The following PDE4D variants were observed in gnomAD, a reference collection of about 807,000 sequenced individuals.
PDE4D encodes the protein 3',5'-cyclic-AMP phosphodiesterase 4D.
PDE4D carries 24 observed loss-of-function variants against 87.4 expected under a neutral mutation model. That is an observed-to-expected ratio of 0.27 (90% confidence interval 0.20 to 0.39). PDE4D has a LOEUF of 0.39. Among genes scored for constraint, PDE4D ranks in the 10% least tolerant of loss-of-function variants. The pLI is 1.00. For synonymous variants in PDE4D, 384 were observed against 383.2 expected, an observed-to-expected ratio of 1.00 and a Z score of -0.02; for missense variants, 714 against 1,041.0, an observed-to-expected ratio of 0.69 and a Z score of 4.32.
chr5:59,044,828 TTTTC>T (rs1458467224), intron 5 of PDE4D, among the ~76,000 whole-genome samples: 1 of 152,226 alleles, frequency 6.6e-6, no homozygotes, highest in Non-Finnish European at 1.5e-5. Flanking sequence ...TTTGTGACGG[TTTTC>T]TTTTTCTTTT....
intron 5 of PDE4D, among the ~76,000 whole-genome samples, chr5:59,168,346 C>A (rs1457905267): frequency 1.3e-5 from 2 of 152,170 alleles, no homozygotes; most frequent in East Asian, 3.9e-4. Flanking sequence ...TGAAGCACTG[C>A]GTTACCCTGG....
chr5:60,246,969 A>G (rs1175874383), intron 1 of PDE4D, among the ~76,000 whole-genome samples: 2 of 152,044 alleles, frequency 1.3e-5, no homozygotes, highest in East Asian at 1.9e-4. Flanking sequence ...TGATTTTTCC[A>G]TACTACACAA....
chr5:59,694,054 C>T (rs1242167968), intron 1 of PDE4D, among the ~76,000 whole-genome samples: 1 of 152,156 alleles, frequency 6.6e-6, no homozygotes, highest in Non-Finnish European at 1.5e-5. Context: ...CATATTTATT[C>T]ACTAGATTAA....
intron 1 of PDE4D, among the ~76,000 whole-genome samples, chr5:59,555,191 C>T (rs1818694162): frequency 6.6e-6 from 1 of 152,152 alleles, no homozygotes; most frequent in Admixed American, 6.5e-5. Context: ...GCAATCATGT[C>T]CTCTGCAAAA....
At chr5:60,078,200 T>G (rs1334190110) in intron 2 of PDE4D, among the ~76,000 whole-genome samples, 2 of 152,164 alleles carry the variant, frequency 1.3e-5, no homozygotes, top group African/African-American at 2.4e-5. Context: ...CCTTGAAAGT[T>G]TGTGTGTTTT....
At chr5:59,311,619 C>G (rs2153566313) in intron 1 of PDE4D, among the ~76,000 whole-genome samples, 1 of 151,646 alleles carries the variant, frequency 6.6e-6, no homozygotes, top group South Asian at 2.1e-4. Context: ...TGTCTCCATA[C>G]TCTGGGACTG....
chr5:59,275,646 G>C, intron 1 of PDE4D: 1 of 1,214,792 alleles, frequency 8.2e-7, no homozygotes, highest in Non-Finnish European at 1.0e-6. Context: ...GGAAGTGACA[G>C]TTTCTTCTGT....
chr5:59,020,044 T>C (rs370534343), intron 6 of PDE4D, among the ~76,000 whole-genome samples: 1 of 152,178 alleles, frequency 6.6e-6, no homozygotes, highest in Non-Finnish European at 1.5e-5. Flanking sequence ...TTGTGGTTGT[T>C]TGCAGCCAAA....
chr5:60,187,267 C>T (rs973421974), intron 1 of PDE4D, among the ~76,000 whole-genome samples: 1 of 152,156 alleles, frequency 6.6e-6, no homozygotes, highest in African/African-American at 2.4e-5. Context: ...TCAGCTAGTA[C>T]ACCTCCAGGA....
At chr5:59,351,678 C>CT (rs1387463142) in intron 1 of PDE4D, among the ~76,000 whole-genome samples, 2 of 152,202 alleles carry the variant, frequency 1.3e-5, no homozygotes, top group East Asian at 3.9e-4. Flanking sequence ...ATTCATTTTC[C>CT]TTTTTCTTCT....
At position 59,978,906 on chromosome 5, in the gene PDE4D, T is replaced by C. The variant is rs1260454544; in HGVS notation, c.272+9582A>G. ...TCTGACTTGCTGAAGGCTCTAATGG[T>C]TGTTAGCATTTTTTTTTTTAGCAAT... On this transcript the variant is annotated intron_variant, in intron 3 of 16. Transcript: ENST00000502484. 3.3e-5 allele frequency among the ~76,000 whole-genome samples: 5 copies of C among 151,234 alleles called. No homozygotes were observed. The East Asian group carries it at 5.8e-4, about 17-fold the overall frequency.
At chr5:59,035,463 T>C (rs1324952657) in intron 6 of PDE4D, among the ~76,000 whole-genome samples, 1 of 152,230 alleles carries the variant, frequency 6.6e-6, no homozygotes, top group Non-Finnish European at 1.5e-5. Flanking sequence ...AAGTGTCTGG[T>C]ATAAATTACA....
chr5:59,908,898 T>G lies in PDE4D; in HGVS notation c.272+79590A>C, dbSNP rs111741251. The stretch of plus-strand genomic sequence containing the variant: ...TAACACAAAGTGGTAGCTTAATTTT[T>G]TATGAATTTCTTTCCTATTTACAGA... On this transcript the variant is annotated intron_variant, in intron 3 of 16. Transcript: ENST00000502484. Among the ~76,000 whole-genome samples the G allele has an allele frequency of 2.2e-4, 34 of 152,324 alleles. 1 individual carries two copies. The highest frequency in any genetic ancestry group is 7.7e-4 in the African/African-American group (32 of 41,596).
At chr5:59,907,137 C>T (rs560887706) in intron 3 of PDE4D, among the ~76,000 whole-genome samples, 4 of 152,044 alleles carry the variant, frequency 2.6e-5, no homozygotes, top group African/African-American at 7.2e-5. Flanking sequence ...AACAGAAAAC[C>T]GAATACTGGT....
At chr5:60,052,966 G>A (rs1421957367) in intron 2 of PDE4D, among the ~76,000 whole-genome samples, 1 of 151,976 alleles carries the variant, frequency 6.6e-6, no homozygotes. Flanking sequence ...AAAATACCTA[G>A]GAATACAACT....
intron 1 of PDE4D, among the ~76,000 whole-genome samples, chr5:59,793,186 G>T (rs1164680717): frequency 6.6e-6 from 1 of 152,184 alleles, no homozygotes; most frequent in Non-Finnish European, 1.5e-5. Flanking sequence ...GAGGCAGAAT[G>T]ACTCAGGAAC....
intron 1 of PDE4D, among the ~76,000 whole-genome samples, chr5:60,431,453 T>G (rs1227063625): frequency 3.6e-5 from 5 of 140,076 alleles, no homozygotes; most frequent in Middle Eastern, 4.1e-3. Context: ...GGGCAGAGGC[T>G]CTCCCCACAT....
intron 6 of PDE4D, among the ~76,000 whole-genome samples, chr5:59,015,110 A>T (rs2064682388): frequency 6.6e-6 from 1 of 152,234 alleles, no homozygotes; most frequent in African/African-American, 2.4e-5. Flanking sequence ...TACACTTTAT[A>T]CAAAAATTAA....
chr5:59,488,935 T>G (rs1805671240), intron 1 of PDE4D, among the ~76,000 whole-genome samples: 1 of 152,046 alleles, frequency 6.6e-6, no homozygotes, highest in Non-Finnish European at 1.5e-5. Context: ...CAAAGTTCTG[T>G]GGTAAATGAG....
Sources: gnomAD v4.1 joint callset for allele counts (sites outside exome capture counted in the v4.1 genomes callset) on GRCh38, gnomAD v4.1.1 for gene constraint, MANE v1.5 for transcripts, NCBI Gene and HGNC (gene_info 2026-07-23, HGNC 2026-07-21) for gene names.